Variants in STK17B observed in about 807,000 individuals in gnomAD.
STK17B encodes the protein serine/threonine kinase 17b, also known as serine/threonine-protein kinase 17B.
STK17B carries 21 observed loss-of-function variants against 42.0 expected under a neutral mutation model. The observed-to-expected ratio is 0.50, with a 90% CI of 0.35 to 0.72. The LOEUF is 0.72. Among genes scored for constraint, STK17B ranks in the 30% least tolerant of loss-of-function variants. The probability of loss-of-function intolerance (pLI) is 0.00; values close to 1 mark genes in which losing one functional copy is unlikely to be tolerated. For synonymous variants in STK17B, 143 were observed against 148.4 expected (o/e 0.96, Z 0.26); for missense variants, 349 against 446.0 (o/e 0.78, Z 1.96).
rs959693524 is a variant in STK17B, at chr2:196,133,730, T to A, written c.*3717A>T. 1 of 152,216 alleles carries A rather than the reference T, an allele frequency of 6.6e-6. No homozygotes were observed. The highest frequency in any genetic ancestry group is 1.5e-5 in the Non-Finnish European group (1 of 68,042). 9.4% of individuals were successfully genotyped at this position (152,216 alleles called of 1,614,324 possible). ...ACCACAGATATAAAAAAGTGCTTTT[T>A]AATTTTTAGCCAGAATGGTCAAGTT... On this transcript the variant is annotated 3_prime_UTR_variant, in exon 8 of 8. Coordinates refer to ENST00000263955, the MANE Select transcript of STK17B (RefSeq NM_004226.4).
At position 196,134,663 on chromosome 2, in the gene STK17B, T is replaced by A. The variant is rs78226306; in HGVS notation, c.*2784A>T. 5.9e-5 allele frequency: 9 copies of A among 152,246 alleles called. No individual in the cohort carries two copies. In the East Asian group the frequency reaches 1.7e-3, roughly 29 times the overall value. The allele number at this position is 152,246 out of a possible 1,614,324, so 9.4% of individuals were successfully genotyped here. On this transcript the variant is annotated 3_prime_UTR_variant, in exon 8 of 8. Coordinates refer to ENST00000263955, the MANE Select transcript of STK17B (RefSeq NM_004226.4). ...GGTTCTTTACTGTAGGGAAAATAAT[T>A]AAAATGACAATTGCAATTGTCATCT...
At chr2:196,168,649 CTAAT>C (rs758474933) in intron 1 of STK17B, among the ~76,000 whole-genome samples, 3 of 149,738 alleles carry the variant, frequency 2.0e-5, no homozygotes, top group Admixed American at 6.6e-5. Context: ...TTAAAAGAAA[CTAAT>C]ATATATGTTT....
chr2:196,149,324 C>T (rs903026244), intron 3 of STK17B, among the ~76,000 whole-genome samples: 1 of 152,070 alleles, frequency 6.6e-6, no homozygotes, highest in Non-Finnish European at 1.5e-5. Context: ...GCACCACACC[C>T]GGCTAATTTT....
chr2:196,152,464 C>T (rs975643154), intron 3 of STK17B, among the ~76,000 whole-genome samples: 2 of 152,172 alleles, frequency 1.3e-5, no homozygotes, highest in Admixed American at 6.5e-5. Flanking sequence ...AATTTGACAA[C>T]ATCTAATAAA....
chr2:196,139,804 A>G lies in STK17B; in HGVS notation c.657-5T>C, dbSNP rs1052120478. 2.2e-6 allele frequency: 3 copies of G among 1,350,480 alleles called. No homozygotes were observed. Among genetic ancestry groups the G allele is most frequent in the African/African-American group, 3.0e-5 (2 of 66,814 alleles). 83.7% of individuals were successfully genotyped at this position (1,350,480 alleles called of 1,614,324 possible). A position where few individuals can be genotyped will look rare whatever the true frequency, so the allele number is the denominator to read the frequency against. ...TATGCTATTATACCAATATTCCTGA[A>G]AAACAAGGGAGGGGAACTTAAAATG... On this transcript the variant is annotated splice_polypyrimidine_tract_variant and splice_region_variant and intron_variant, in intron 6 of 7. Coordinates refer to ENST00000263955, the MANE Select transcript of STK17B (RefSeq NM_004226.4).
chr2:196,137,194 C>A lies in STK17B; in HGVS notation c.*253G>T. The A allele has an allele frequency of 2.5e-6, 1 of 395,330 alleles. No individual in the cohort carries two copies. The highest frequency in any genetic ancestry group is 4.5e-6 in the Non-Finnish European group (1 of 222,678). The allele number at this position is 395,330 out of a possible 1,614,324, so 24.5% of individuals were successfully genotyped here. A position where few individuals can be genotyped will look rare whatever the true frequency, so the allele number is the denominator to read the frequency against. ...ATTTGAAGTTGAATTATTTCATTAA[C>A]ATGTAAACTCACATGTACAATTTTA... On this transcript the variant is annotated 3_prime_UTR_variant, in exon 8 of 8. Coordinates refer to ENST00000263955, the MANE Select transcript of STK17B (RefSeq NM_004226.4).
At chr2:196,158,743 GGCTCATGCCT>G (rs113616701) in intron 2 of STK17B, among the ~76,000 whole-genome samples, 88,450 of 151,578 alleles carry the variant, frequency 0.58, 26,610 homozygotes, top group East Asian at 0.92. Context: ...CAGACGTGGT[GGCTCATGCCT>G]GTAATACCAG....
Position 196,139,726 on chromosome 2 carries a change from A to C in STK17B, c.730T>G (p.Tyr244Asp). The C allele has an allele frequency of 6.8e-7, 1 of 1,463,282 alleles. No homozygotes were observed. The highest frequency in any genetic ancestry group is 9.0e-7 in the Non-Finnish European group (1 of 1,105,068). 90.6% of individuals were successfully genotyped at this position (1,463,282 alleles called of 1,614,324 possible). A position where few individuals can be genotyped will look rare whatever the true frequency, so the allele number is the denominator to read the frequency against. The stretch of plus-strand genomic sequence containing the variant: ...ACATTAACTTGAGAAATATTGAGGT[A>C]TGTTTCTTGATTATCTTCTCCCACA... ...PFVGEDNQETYLNISQVNVDY... is the reference protein window; with the variant it reads ...PFVGEDNQETDLNISQVNVDY... Residue 244 changes from tyrosine to aspartate, a missense_variant, in exon 7 of 8, where the codon TAC (tyrosine) becomes GAC (aspartate). Around this residue, in one of 3 missense-constraint regions of STK17B, gnomAD observed 256 missense variants for 347.7 expected, o/e 0.74. Transcript: ENST00000263955.
At position 196,140,579 on chromosome 2, in the gene STK17B, T is replaced by C. The variant is rs1378676012; in HGVS notation, c.656+670A>G. Among the ~76,000 whole-genome samples, 135 of 16,478 alleles carry C rather than the reference T, an allele frequency of 8.2e-3. 2 individuals are homozygous for C. Among genetic ancestry groups the C allele is most frequent in the Non-Finnish European group, 0.018 (95 of 5,176 alleles). 10.8% of individuals were successfully genotyped at this position (16,478 alleles called of 152,430 possible). ...GCTTAACAAATACCTTCTTCTAGCT[T>C]TTTTTTTTTTTTTTTTTTTTTGTCA... On this transcript the variant is annotated intron_variant, in intron 6 of 7. Transcript: ENST00000263955.
chr2:196,147,076 C>T lies in STK17B; in HGVS notation c.336-1021G>A, dbSNP rs185633530. Among the ~76,000 whole-genome samples, 25 of 152,096 alleles carry T rather than the reference C, an allele frequency of 1.6e-4. No individual in the cohort carries two copies. In the East Asian group the frequency reaches 4.8e-3, roughly 29 times the overall value. The stretch of plus-strand genomic sequence containing the variant: ...CAGTTACTTATAGTCATCCATAAAG[C>T]AGAAATATCAATAAAATCCACAGAT... On this transcript the variant is annotated intron_variant, in intron 3 of 7. Coordinates refer to ENST00000263955, the MANE Select transcript of STK17B (RefSeq NM_004226.4).
intron 1 of STK17B, among the ~76,000 whole-genome samples, chr2:196,167,264 T>C (rs1416217028): frequency 1.3e-5 from 2 of 152,210 alleles, no homozygotes; most frequent in South Asian, 2.1e-4. Flanking sequence ...ACATGTTAGA[T>C]TGCAATTCTG....
chr2:196,142,507 T>G (rs1699508054), intron 5 of STK17B, among the ~76,000 whole-genome samples: 1 of 152,244 alleles, frequency 6.6e-6, no homozygotes, highest in Admixed American at 6.5e-5. Context: ...ACCATATTAT[T>G]TCGAATTAGT....
At chr2:196,150,548 A>C (rs1559411728) in intron 3 of STK17B, among the ~76,000 whole-genome samples, 1 of 152,246 alleles carries the variant, frequency 6.6e-6, no homozygotes, top group Non-Finnish European at 1.5e-5. Flanking sequence ...TAAAGTTAAT[A>C]CATGAAAGAT....
intron 1 of STK17B, chr2:196,166,037 A>G (rs1362887757): frequency 6.6e-6 from 1 of 152,238 alleles, no homozygotes; most frequent in Non-Finnish European, 1.5e-5. Context: ...GTTCTGAAAG[A>G]TCAATATGGG....
intron 1 of STK17B, among the ~76,000 whole-genome samples, chr2:196,167,038 A>G (rs1442522322): frequency 2.6e-5 from 4 of 152,248 alleles, no homozygotes; most frequent in East Asian, 1.9e-4. Flanking sequence ...CTCATATTTC[A>G]TATTTTGCCA....
chr2:196,135,163 T>A lies in STK17B; in HGVS notation c.*2284A>T, dbSNP rs1029094182. On this transcript the variant is annotated 3_prime_UTR_variant, in exon 8 of 8. Coordinates refer to ENST00000263955, the MANE Select transcript of STK17B (RefSeq NM_004226.4). ...AACAAATGAACTTATAATTTAAAAT[T>A]CAAATATTTCTTGATTTTTTGGGGG... The A allele has an allele frequency of 2.0e-5, 3 of 152,184 alleles. No individual in the cohort carries two copies. Among genetic ancestry groups the A allele is most frequent in the African/African-American group, 7.2e-5 (3 of 41,462 alleles). 9.4% of individuals were successfully genotyped at this position (152,184 alleles called of 1,614,324 possible). A position where few individuals can be genotyped will look rare whatever the true frequency, so the allele number is the denominator to read the frequency against.
intron 2 of STK17B, among the ~76,000 whole-genome samples, chr2:196,157,866 T>G (rs1699759997): frequency 6.6e-6 from 1 of 152,206 alleles, no homozygotes; most frequent in Non-Finnish European, 1.5e-5. Flanking sequence ...TCAAGGATTA[T>G]TTTGGGAAAT....
At chr2:196,158,754 G>C (rs1271363617) in intron 2 of STK17B, among the ~76,000 whole-genome samples, 1 of 27,936 alleles carries the variant, frequency 3.6e-5, no homozygotes, top group Non-Finnish European at 9.5e-5. Flanking sequence ...GCTCATGCCT[G>C]TAATACCAGC....
chr2:196,173,583 C>T (rs1313166937), upstream of STK17B, among the ~76,000 whole-genome samples: 1 of 152,202 alleles, frequency 6.6e-6, no homozygotes, highest in Non-Finnish European at 1.5e-5. Flanking sequence ...CATCTGTGGC[C>T]TTGCAGGAAA....
Sources: gnomAD v4.1 joint callset for allele counts (sites outside exome capture counted in the v4.1 genomes callset) on GRCh38, gnomAD v4.1.1 for gene constraint, gnomAD v4.1.1 regional missense constraint, MANE v1.5 for transcripts, NCBI Gene and HGNC (gene_info 2026-07-23, HGNC 2026-07-21) for gene names.